Variants in TRIP12 observed in about 807,000 individuals in gnomAD.
TRIP12 encodes the protein E3 ubiquitin-protein ligase TRIP12.
In TRIP12, 25 loss-of-function variants were observed where a neutral mutation model predicts 244.2. That is an observed-to-expected ratio of 0.10 (90% CI 0.07 to 0.14). The LOEUF is 0.14. Ranked by LOEUF, TRIP12 falls within the 10% of genes least tolerant of loss-of-function variation. TRIP12 has a pLI of 1.00. For missense variants in TRIP12, 1,677 were observed against 2,486.4 expected, an observed-to-expected ratio of 0.67 and a Z score of 6.92; for synonymous variants, 905 against 873.1, an observed-to-expected ratio of 1.04 and a Z score of -0.64.
intron 2 of TRIP12, among the ~76,000 whole-genome samples, chr2:229,876,802 TATC>T (rs1043954618): frequency 5.9e-5 from 9 of 152,162 alleles, no homozygotes; most frequent in Non-Finnish European, 1.3e-4. Flanking sequence ...TAGCTAGAAA[TATC>T]AGTGTGTTCC....
In TRIP12 at chr2:229,778,070, A is replaced by G. The variant is rs2036863789; in HGVS notation, c.5364+363T>C. ...TGTAAATTTAATGAAGTTTAGTTAC[A>G]TGCACAAACTTTCCTACTGAATTAA... On this transcript the variant is annotated intron_variant, in intron 36 of 41. Transcript: ENST00000675903. This position sits in a 1 kb window ranked among gnomAD's most constrained non-coding sequence, Gnocchi z 4.1. Among the ~76,000 whole-genome samples, 1 of 152,262 alleles carries G rather than the reference A, an allele frequency of 6.6e-6. No homozygotes were observed. The highest frequency in any genetic ancestry group is 1.5e-5 in the Non-Finnish European group (1 of 68,048).
At chr2:229,771,491 C>G in intron 39 of TRIP12, 28 bp downstream of exon 39, 1 of 1,576,110 alleles carries the variant, frequency 6.3e-7, no homozygotes, top group South Asian at 1.1e-5. Flanking sequence ...ATAGGTATGA[C>G]CATTTCTTTT....
At chr2:229,837,624 C>T (rs185536059) in intron 5 of TRIP12, among the ~76,000 whole-genome samples, 1 of 151,864 alleles carries the variant, frequency 6.6e-6, no homozygotes, top group Non-Finnish European at 1.5e-5. Flanking sequence ...GCAGCAACAA[C>T]AAAAAAATTA....
intron 41 of TRIP12, among the ~76,000 whole-genome samples, chr2:229,768,001 C>T (rs2032442759): frequency 6.6e-6 from 1 of 152,166 alleles, no homozygotes. Flanking sequence ...CAGTGGTTCA[C>T]GCCCGTAATC....
intron 37 of TRIP12, among the ~76,000 whole-genome samples, chr2:229,776,171 A>G (rs1251215916): frequency 6.6e-6 from 1 of 152,186 alleles, no homozygotes; most frequent in Non-Finnish European, 1.5e-5. Context: ...AGAGGTAACA[A>G]CAATACCCCA....
intron 6 of TRIP12, among the ~76,000 whole-genome samples, chr2:229,833,286 T>C (rs186924514): frequency 5.1e-4 from 77 of 152,194 alleles, no homozygotes; most frequent in African/African-American, 1.6e-3. Flanking sequence ...CACAGAATCT[T>C]TTTTATTTTT....
chr2:229,831,882 T>C (rs1360437358), intron 6 of TRIP12, among the ~76,000 whole-genome samples: 1 of 122,198 alleles, frequency 8.2e-6, no homozygotes, highest in Non-Finnish European at 1.7e-5. Context: ...TTGTTTGTTT[T>C]TTGGGTTTTT....
At chr2:229,914,866 A>C (rs931485895) in intron 1 of TRIP12, among the ~76,000 whole-genome samples, 1 of 152,222 alleles carries the variant, frequency 6.6e-6, no homozygotes, top group African/African-American at 2.4e-5. Flanking sequence ...TATTTATAGA[A>C]ATATGTACAT....
intron 4 of TRIP12, among the ~76,000 whole-genome samples, chr2:229,850,737 C>T (rs1040664126): frequency 6.6e-6 from 1 of 152,212 alleles, no homozygotes; most frequent in African/African-American, 2.4e-5. Context: ...CGAGTGGGAA[C>T]GGGGGCTGCA....
At chr2:229,814,204 A>G (rs1222079612) in intron 12 of TRIP12, 29 bp downstream of exon 12, 2 of 1,605,744 alleles carry the variant, frequency 1.2e-6, no homozygotes, top group Middle Eastern at 1.7e-4. Flanking sequence ...ATAAAGTGAA[A>G]TGTAGTCCCC....
At chr2:229,860,602 ATTTT>A in intron 2 of TRIP12, 71 bp from the exon 3 acceptor site, 1 of 1,329,452 alleles carries the variant, frequency 7.5e-7, no homozygotes, top group Non-Finnish European at 9.9e-7. Context: ...AAAATGAAAT[ATTTT>A]TATATATTTC....
chr2:229,908,568 T>C (rs1322376489), intron 1 of TRIP12, among the ~76,000 whole-genome samples: 1 of 149,896 alleles, frequency 6.7e-6, no homozygotes, highest in African/African-American at 2.5e-5. Flanking sequence ...CCGTCTCTAT[T>C]AAAAATACAA....
intron 6 of TRIP12, among the ~76,000 whole-genome samples, chr2:229,833,025 C>T (rs1397231997): frequency 6.6e-6 from 1 of 152,176 alleles, no homozygotes; most frequent in East Asian, 1.9e-4. Context: ...TAGAGTACTG[C>T]TGGGTTTTTA....
intron 4 of TRIP12, among the ~76,000 whole-genome samples, chr2:229,854,170 A>C (rs184153718): frequency 1.0e-3 from 152 of 152,268 alleles, no homozygotes; most frequent in Middle Eastern, 3.4e-3. Flanking sequence ...TACAGCCATG[A>C]GGTAATTTAT....
intron 9 of TRIP12, 151 bp downstream of exon 9, chr2:229,818,213 A>T: frequency 2.4e-6 from 2 of 828,828 alleles, no homozygotes; most frequent in Non-Finnish European, 3.6e-6. Context: ...AGTATCTGTA[A>T]GCATGAAATA....
intron 17 of TRIP12, chr2:229,807,476 A>C: frequency 1.8e-6 from 1 of 552,590 alleles, no homozygotes; most frequent in Non-Finnish European, 3.2e-6. Context: ...CAACAAACTT[A>C]AATTACTTGC....
Position 229,818,353 on chromosome 2 carries a change from A to G in TRIP12, c.1599+11T>C. 1 of 1,613,094 alleles carries G rather than the reference A, an allele frequency of 6.2e-7. No individual in the cohort carries two copies. Among genetic ancestry groups the G allele is most frequent in the Non-Finnish European group, 8.5e-7 (1 of 1,179,652 alleles). On this transcript the variant is annotated intron_variant, in intron 9 of 41. Transcript: ENST00000675903. ...AATGAGGTAAAAACGAGGGAAAAAC[A>G]TTATGCTTACCAAAGCTGGAACAAC...
intron 8 of TRIP12, among the ~76,000 whole-genome samples, chr2:229,828,237 C>T (rs889140509): frequency 2.6e-5 from 4 of 151,902 alleles, no homozygotes; most frequent in African/African-American, 7.3e-5. Context: ...GACTCTAGTG[C>T]TAGTCTACGG....
intron 2 of TRIP12, among the ~76,000 whole-genome samples, chr2:229,873,613 T>C (rs1341524839): frequency 6.6e-6 from 1 of 152,220 alleles, no homozygotes; most frequent in African/African-American, 2.4e-5. Context: ...TTTCTCTGAA[T>C]AGTTCTTATT....
Sources: allele counts gnomAD v4.1 joint callset (sites outside exome capture counted in the v4.1 genomes callset), GRCh38; gene constraint gnomAD v4.1.1; non-coding constraint Gnocchi (gnomAD v3.1); transcripts MANE v1.5; gene names NCBI Gene and HGNC (gene_info 2026-07-23, HGNC 2026-07-21).